Variants in MAST2 observed in about 807,000 individuals in gnomAD.
The protein encoded by MAST2 is microtubule-associated serine/threonine-protein kinase 2.
MAST2 carries 70 observed loss-of-function variants against 147.4 expected under a neutral mutation model. The ratio of observed to expected loss-of-function variants is 0.47; its 90% CI spans 0.39 to 0.58. MAST2 has a LOEUF of 0.58. Ranked by LOEUF, MAST2 falls within the 20% of genes least tolerant of loss-of-function variation. The pLI, the probability that MAST2 is intolerant of heterozygous loss-of-function variation, is 0.00. For synonymous variants in MAST2, 869 were observed against 896.8 expected, an observed-to-expected ratio of 0.97 and a Z score of 0.55; for missense variants, 2,080 against 2,302.3, an observed-to-expected ratio of 0.90 and a Z score of 1.98.
intron 5 of MAST2, among the ~76,000 whole-genome samples, chr1:45,978,449 G>T (rs1644263963): frequency 6.6e-6 from 1 of 152,186 alleles, no homozygotes; most frequent in Admixed American, 6.5e-5. Flanking sequence ...CTGGGAGGCA[G>T]AGGTTGCAGT....
intron 3 of MAST2, among the ~76,000 whole-genome samples, chr1:45,879,914 A>G (rs951704387): frequency 2.6e-5 from 4 of 152,234 alleles, no homozygotes; most frequent in Admixed American, 2.0e-4. Flanking sequence ...ATGTATTGGC[A>G]TGAATGTAGA....
At chr1:46,034,010 C>G in intron 27 of MAST2, 63 bp from the exon 28 acceptor site, 2 of 1,605,748 alleles carry the variant, frequency 1.2e-6, no homozygotes, top group Non-Finnish European at 1.7e-6. Context: ...TGCCTTGGCC[C>G]TGGGGGTCCA....
intron 5 of MAST2, among the ~76,000 whole-genome samples, chr1:45,981,492 G>A (rs2149060049): frequency 6.6e-6 from 1 of 152,262 alleles, no homozygotes; most frequent in Non-Finnish European, 1.5e-5. Context: ...GGAATCTTGT[G>A]GCCTCTGGCT....
chr1:45,870,837 G>A (rs1006535089), intron 3 of MAST2, among the ~76,000 whole-genome samples: 1 of 151,982 alleles, frequency 6.6e-6, no homozygotes, highest in African/African-American at 2.4e-5. Context: ...GCTAAAGTGG[G>A]AGGATCGTTT....
chr1:45,837,936 G>A (rs535946551), intron 3 of MAST2, among the ~76,000 whole-genome samples: 132 of 152,120 alleles, frequency 8.7e-4, no homozygotes, highest in African/African-American at 3.0e-3. Flanking sequence ...ACGCCACCAC[G>A]CCCAGCTGAT....
At chr1:45,852,219 A>G (rs188211785) in intron 3 of MAST2, among the ~76,000 whole-genome samples, 1 of 152,248 alleles carries the variant, frequency 6.6e-6, no homozygotes, top group Admixed American at 6.5e-5. Context: ...GATTTGTGTA[A>G]TGGCCACCAC....
intron 4 of MAST2, among the ~76,000 whole-genome samples, chr1:45,891,648 C>G (rs1332040695): frequency 6.6e-6 from 1 of 151,326 alleles, no homozygotes. Context: ...TCTTTTTTAA[C>G]TTTTTCCAAT....
intron 1 of MAST2, among the ~76,000 whole-genome samples, chr1:45,812,763 T>G (rs1357765058): frequency 6.6e-6 from 1 of 152,242 alleles, no homozygotes; most frequent in Admixed American, 6.5e-5. Flanking sequence ...CATTTTCATT[T>G]GGATAGCTCA....
At position 46,032,181 on chromosome 1, in the gene MAST2, A is replaced by T. The variant is rs1339729268; in HGVS notation, c.3191A>T (p.His1064Leu). ...GTCCTGGCTTCTCCTTCTCCAGAACACCACACCTGCTCCCCGTTGGCCAGC... is the reference window on the plus strand; with the variant it reads ...GTCCTGGCTTCTCCTTCTCCAGAACTCCACACCTGCTCCCCGTTGGCCAGC... Reference protein sequence around the residue: ...TALSLLIPSEHHTCSPLASPM... With the variant: ...TALSLLIPSELHTCSPLASPM... The change falls in exon 25 of 29, where the codon CAC becomes CTC. Residue 1064 changes from histidine (H) to leucine (L), a missense_variant. His to Leu is a moderately conservative substitution (Grantham distance 99). Transcript: ENST00000361297. 1 of 1,613,826 alleles carries T rather than the reference A, an allele frequency of 6.2e-7. No homozygotes were observed. The highest frequency in any genetic ancestry group is 8.5e-7 in the Non-Finnish European group (1 of 1,179,894).
intron 4 of MAST2, among the ~76,000 whole-genome samples, chr1:45,916,658 A>C (rs770000394): frequency 7.9e-5 from 12 of 152,212 alleles, no homozygotes; most frequent in Non-Finnish European, 1.8e-4. Flanking sequence ...AACTATTCAG[A>C]ATGTTTTACT....
At chr1:45,916,369 T>C (rs560529976) in intron 4 of MAST2, among the ~76,000 whole-genome samples, 3 of 152,338 alleles carry the variant, frequency 2.0e-5, no homozygotes, top group African/African-American at 7.2e-5. Context: ...TTAAATATTA[T>C]GAATATTATT....
At chr1:45,956,466 T>G (rs1659676415) in intron 4 of MAST2, among the ~76,000 whole-genome samples, 1 of 152,232 alleles carries the variant, frequency 6.6e-6, no homozygotes, top group South Asian at 2.1e-4. Flanking sequence ...GATTATTTTT[T>G]CACAAAATCC....
At chr1:45,953,108 G>C (rs1393441041) in intron 4 of MAST2, among the ~76,000 whole-genome samples, 1 of 152,074 alleles carries the variant, frequency 6.6e-6, no homozygotes, top group Non-Finnish European at 1.5e-5. Context: ...GAGTTGAGGT[G>C]CTGGTTAACT....
At chr1:45,871,584 C>T (rs1557852528) in intron 3 of MAST2, among the ~76,000 whole-genome samples, 1 of 152,136 alleles carries the variant, frequency 6.6e-6, no homozygotes, top group Non-Finnish European at 1.5e-5. Flanking sequence ...CTTAGAAAGC[C>T]AGCCCCCTCT....
At chr1:45,898,406 A>G (rs1649135723) in intron 4 of MAST2, among the ~76,000 whole-genome samples, 2 of 152,222 alleles carry the variant, frequency 1.3e-5, no homozygotes, top group Non-Finnish European at 2.9e-5. Flanking sequence ...TAAGGAGGAT[A>G]TCTCACTCTG....
At chr1:45,891,706 G>A (rs191320026) in intron 4 of MAST2, among the ~76,000 whole-genome samples, 13 of 149,942 alleles carry the variant, frequency 8.7e-5, no homozygotes, top group Admixed American at 2.0e-4. Flanking sequence ...AATTTGAAAC[G>A]TTTTTGTTCA....
intron 5 of MAST2, among the ~76,000 whole-genome samples, chr1:45,968,040 C>T (rs1451445141): frequency 6.6e-6 from 1 of 152,214 alleles, no homozygotes; most frequent in African/African-American, 2.4e-5. Context: ...TAAGCACCAA[C>T]ATGAACCTCA....
Position 46,032,346 on chromosome 1 carries a change from G to A in MAST2, c.3356G>A (p.Arg1119Gln), listed in dbSNP as rs201688488. The change falls in exon 25 of 29, where the codon CGG (arginine) becomes CAG (glutamine). Residue 1119 changes from arginine to glutamine, a missense_variant. Around this residue, in one of 4 missense-constraint regions of MAST2, gnomAD observed 1,278 missense variants for 1,304.2 expected, o/e 0.98. Transcript: ENST00000361297. ...RAGKKYGFTLRAIRVYMGDSD... is the reference protein window; with the variant it reads ...RAGKKYGFTLQAIRVYMGDSD... ...GGCAAGAAGTATGGCTTCACCCTGC[G>A]GGCCATTCGCGTCTACATGGGTGAC... 50 of 1,614,062 alleles carry A rather than the reference G, an allele frequency of 3.1e-5. No homozygotes were observed. Among genetic ancestry groups the A allele is most frequent in the Non-Finnish European group, 3.6e-5 (43 of 1,180,042 alleles).
At chr1:45,913,827 A>C in intron 4 of MAST2, 1 of 1,218,450 alleles carries the variant, frequency 8.2e-7, no homozygotes, top group Non-Finnish European at 1.0e-6. Flanking sequence ...AGTAGCCAGG[A>C]GAATGATGAA....
Sources: gnomAD v4.1 joint callset for allele counts (sites outside exome capture counted in the v4.1 genomes callset) on GRCh38, gnomAD v4.1.1 for gene constraint, gnomAD v4.1.1 regional missense constraint, MANE v1.5 for transcripts, NCBI Gene and HGNC (gene_info 2026-07-23, HGNC 2026-07-21) for gene names.